The following DNAH7 variants were observed in gnomAD, a reference collection of about 807,000 sequenced individuals.
DNAH7 encodes dynein axonemal heavy chain 7.
Under a neutral mutation model 444.6 loss-of-function variants are expected in DNAH7, and 397 were observed. That is an observed-to-expected ratio of 0.89 (90% confidence interval 0.82 to 0.97). The LOEUF (loss-of-function observed/expected upper bound fraction) is 0.97. DNAH7 is among the 50% of genes least tolerant of loss of function. DNAH7 has a pLI of 0.00. For missense variants in DNAH7, 4,902 were observed against 4,800.8 expected (o/e 1.02, Z -0.62); for synonymous variants, 1,636 against 1,624.4 (o/e 1.01, Z -0.17).
intron 61 of DNAH7, among the ~76,000 whole-genome samples, chr2:195,761,390 TAG>T (rs1694342795): frequency 6.6e-6 from 1 of 151,550 alleles, no homozygotes; most frequent in Admixed American, 6.6e-5. Flanking sequence ...AAAGAAGAGG[TAG>T]AGAGAGATAT....
At chr2:195,789,282 A>G (rs115014994) in intron 57 of DNAH7, among the ~76,000 whole-genome samples, 2,907 of 152,224 alleles carry the variant, frequency 0.019, 86 homozygotes, top group African/African-American at 0.066. Flanking sequence ...ATAGCAATGA[A>G]AATACTTAAT....
chr2:195,950,871 A>AAAAAAAAAAAAC (rs1690198941), intron 19 of DNAH7, among the ~76,000 whole-genome samples: 1 of 147,404 alleles, frequency 6.8e-6, no homozygotes, highest in Admixed American at 6.7e-5. Context: ...AAAAAAAAAA[A>AAAAAAAAAAAAC]AAAAAAAACC....
At chr2:195,918,642 G>C (rs188614374) in intron 24 of DNAH7, among the ~76,000 whole-genome samples, 1 of 152,250 alleles carries the variant, frequency 6.6e-6, no homozygotes, top group East Asian at 1.9e-4. Flanking sequence ...AATGCATATT[G>C]CTAAGTGAAA....
chr2:195,782,590 AT>A (rs943495351), intron 58 of DNAH7, among the ~76,000 whole-genome samples: 3 of 151,946 alleles, frequency 2.0e-5, no homozygotes, highest in East Asian at 1.9e-4. Context: ...TAAATTAGCC[AT>A]TTTTTTCCAA....
rs1693965622 is a variant in DNAH7 at position 195,754,390 on chromosome 2, C to T, written c.11711G>A (p.Gly3904Glu). 4 of 1,613,846 alleles carry T rather than the reference C, an allele frequency of 2.5e-6. No individual in the cohort carries two copies. The highest frequency in any genetic ancestry group is 3.4e-6 in the Non-Finnish European group (4 of 1,179,952). ...RKYTIPIDLLGFDYEVMEDKE... is the reference protein window; with the variant it reads ...RKYTIPIDLLEFDYEVMEDKE... ...GTCTTCCATCACTTCATAGTCAAAC[C>T]CAAGAAGATCAATAGGAATTGTGTA... is the stretch of plus-strand genomic sequence containing the variant. The change falls in exon 63 of 65, where the codon GGG becomes GAG. Residue 3904 changes from glycine (G) to glutamate (E), a missense_variant. Gly to Glu is a moderately conservative substitution (Grantham distance 98, BLOSUM62 -2). Transcript: ENST00000312428.
intron 61 of DNAH7, among the ~76,000 whole-genome samples, chr2:195,763,924 C>T (rs867295524): frequency 2.0e-5 from 3 of 151,582 alleles, no homozygotes. Context: ...ACATATCAAA[C>T]AAAGAAAACT....
chr2:196,044,232 T>TAC (rs1295406668), intron 5 of DNAH7, among the ~76,000 whole-genome samples: 3 of 150,376 alleles, frequency 2.0e-5, no homozygotes, highest in Non-Finnish European at 4.4e-5. Flanking sequence ...TGTGTATACA[T>TAC]ACACACACAC....
Position 195,960,953 on chromosome 2 carries a change from G to C in DNAH7, c.2206-8C>G, listed in dbSNP as rs753492897. The C allele has an allele frequency of 3.2e-6, 5 of 1,554,360 alleles. No individual in the cohort carries two copies. The highest frequency in any genetic ancestry group is 4.3e-6 in the Non-Finnish European group (5 of 1,151,238). ...AGCATTAAACTGCTCAATCTGAAAGGATAAGTATTGAATATATTAGTTATT... is the reference window on the plus strand; with the variant it reads ...AGCATTAAACTGCTCAATCTGAAAGCATAAGTATTGAATATATTAGTTATT... On this transcript the variant is annotated splice_region_variant and splice_polypyrimidine_tract_variant and intron_variant, in intron 17 of 64. Coordinates refer to ENST00000312428, the MANE Select transcript of DNAH7 (RefSeq NM_018897.3).
intron 7 of DNAH7, 64 bp downstream of exon 7, chr2:196,026,696 T>C: frequency 8.6e-7 from 1 of 1,164,848 alleles, no homozygotes; most frequent in Non-Finnish European, 1.2e-6. Context: ...GTATTATTAA[T>C]ACAAAAATAA....
chr2:195,950,972 T>C (rs1391283972), intron 19 of DNAH7, among the ~76,000 whole-genome samples: 4 of 151,690 alleles, frequency 2.6e-5, no homozygotes, highest in Non-Finnish European at 5.9e-5. Context: ...TCTTGTCTTC[T>C]GCTAGCTTTT....
At chr2:195,994,824 A>G (rs1693586412) in intron 12 of DNAH7, 1 of 443,266 alleles carries the variant, frequency 2.3e-6, no homozygotes, top group African/African-American at 2.1e-5. Flanking sequence ...GGATCAGTTC[A>G]TCTAATTTTT....
chr2:195,860,356 T>C (rs1475735406), intron 42 of DNAH7, among the ~76,000 whole-genome samples: 1 of 151,920 alleles, frequency 6.6e-6, no homozygotes, highest in Non-Finnish European at 1.5e-5. Context: ...TAAGAAAATA[T>C]GAAAAAAAGC....
Position 195,865,071 on chromosome 2 carries a change from G to A in DNAH7, c.6634-50C>T, listed in dbSNP as rs749242330. 1.5e-5 allele frequency: 22 copies of A among 1,506,670 alleles called. No homozygotes were observed. In the South Asian group the frequency reaches 2.6e-4, roughly 18 times the overall value. 93.3% of individuals were successfully genotyped at this position (1,506,670 alleles called of 1,614,324 possible). ...TTAGAAACTTTCTTCTGATTTTTAA[G>A]AAAGTGTTATTATATCTGTGCTAAT... On this transcript the variant is annotated intron_variant, in intron 40 of 64. Transcript: ENST00000312428.
intron 22 of DNAH7, among the ~76,000 whole-genome samples, chr2:195,926,127 T>C (rs1175971147): frequency 6.6e-6 from 1 of 152,144 alleles, no homozygotes; most frequent in East Asian, 1.9e-4. Flanking sequence ...AGTCCTATTA[T>C]CACTCTATTT....
chr2:195,834,444 T>A, intron 47 of DNAH7, 84 bp from the exon 48 acceptor site: 1 of 1,389,108 alleles, frequency 7.2e-7, no homozygotes. Context: ...CAGGTCACTT[T>A]TTAAAAGTTT....
chr2:195,856,036 C>CTCTTTTGTTTATTTAATTCA, intron 44 of DNAH7, 45 bp from the exon 45 acceptor site: 1 of 1,547,928 alleles, frequency 6.5e-7, no homozygotes. Context: ...TTTAATATTC[C>CTCTTTTGTTTATTTAATTCA]AGTACACTTT....
At chr2:195,906,421 A>G (rs2125288391) in intron 27 of DNAH7, among the ~76,000 whole-genome samples, 1 of 143,602 alleles carries the variant, frequency 7.0e-6, no homozygotes, top group Non-Finnish European at 1.5e-5. Context: ...ACACACACAC[A>G]CACACACACT....
chr2:195,841,870 T>C (rs1021181613), intron 47 of DNAH7, among the ~76,000 whole-genome samples: 2 of 151,968 alleles, frequency 1.3e-5, no homozygotes, highest in Non-Finnish European at 2.9e-5. Context: ...GGATTGTTAT[T>C]TGGTGCTTTT....
intron 9 of DNAH7, among the ~76,000 whole-genome samples, chr2:196,013,556 T>C (rs971533177): frequency 6.6e-6 from 1 of 152,220 alleles, no homozygotes; most frequent in Non-Finnish European, 1.5e-5. Context: ...TCACATTTAA[T>C]GTTTCCTTAA....
Sources: gnomAD v4.1 joint callset for allele counts (sites outside exome capture counted in the v4.1 genomes callset) on GRCh38, gnomAD v4.1.1 for gene constraint, MANE v1.5 for transcripts, NCBI Gene and HGNC (gene_info 2026-07-23, HGNC 2026-07-21) for gene names.